The following PDZRN4 variants were observed in gnomAD, a reference collection of about 807,000 sequenced individuals.
The protein encoded by PDZRN4 is PDZ domain containing ring finger 4.
Under a neutral mutation model 99.0 loss-of-function variants are expected in PDZRN4, and 70 were observed. The ratio of observed to expected loss-of-function variants is 0.71; its 90% CI spans 0.58 to 0.86. PDZRN4 has a LOEUF of 0.86. Ranked by LOEUF, PDZRN4 falls within the 40% of genes least tolerant of loss-of-function variation. The pLI, the probability that PDZRN4 is intolerant of heterozygous loss-of-function variation, is 0.00. For missense variants in PDZRN4, 1,474 were observed against 1,331.2 expected, an observed-to-expected ratio of 1.11 and a Z score of -1.67; for synonymous variants, 551 against 501.6, an observed-to-expected ratio of 1.10 and a Z score of -1.32.
chr12:41,220,439 G>C (rs887334918), intron 3 of PDZRN4, among the ~76,000 whole-genome samples: 3 of 152,080 alleles, frequency 2.0e-5, no homozygotes, highest in Non-Finnish European at 2.9e-5. Flanking sequence ...ACATTTGGAG[G>C]TACTGAGGAT....
At chr12:41,274,205 A>C (rs976138341) in intron 3 of PDZRN4, among the ~76,000 whole-genome samples, 8 of 152,120 alleles carry the variant, frequency 5.3e-5, no homozygotes, top group Non-Finnish European at 1.5e-5. Context: ...TTTCCTTTTG[A>C]AAATGTCAGG....
chr12:41,555,230 CAAAAAAA>C (rs1171846086), intron 6 of PDZRN4, among the ~76,000 whole-genome samples: 8 of 21,180 alleles, frequency 3.8e-4, no homozygotes, highest in Non-Finnish European at 9.8e-4. Flanking sequence ...GACTCTGTCT[CAAAAAAA>C]AAAAAAAAAA....
chr12:41,419,857 A>G (rs1203233675), intron 3 of PDZRN4, among the ~76,000 whole-genome samples: 1 of 152,156 alleles, frequency 6.6e-6, no homozygotes, highest in African/African-American at 2.4e-5. Flanking sequence ...CCTTACATCC[A>G]TCAGGCTATA....
rs10680018 is a variant in PDZRN4 at position 41,555,245 on chromosome 12, A to AAG, written c.1303-452_1303-451insGA. On this transcript the variant is annotated intron_variant, in intron 6 of 9. Coordinates refer to ENST00000402685, the MANE Select transcript of PDZRN4 (RefSeq NM_001164595.2). ...GACTCTGTCTCAAAAAAAAAAAAAAAAAAAGAAAAAAAAAAGGACGGACTT... is the reference window on the plus strand; with the variant it reads ...GACTCTGTCTCAAAAAAAAAAAAAAAAGAAAAGAAAAAAAAAAGGACGGACTT... Among the ~76,000 whole-genome samples, 233 of 45,448 alleles carry AAG rather than the reference A, an allele frequency of 5.1e-3. 7 individuals are homozygous for AAG. The East Asian group carries it at 0.08, about 16-fold the overall frequency. 29.8% of individuals were successfully genotyped at this position (45,448 alleles called of 152,430 possible).
At chr12:41,206,053 A>G (rs1407140699) in intron 3 of PDZRN4, among the ~76,000 whole-genome samples, 4 of 151,910 alleles carry the variant, frequency 2.6e-5, no homozygotes, top group Non-Finnish European at 5.9e-5. Flanking sequence ...GTATTGTAGC[A>G]TTTCACTATA....
chr12:41,282,102 A>G (rs1216202094), intron 3 of PDZRN4, among the ~76,000 whole-genome samples: 8 of 152,182 alleles, frequency 5.3e-5, no homozygotes, highest in East Asian at 1.9e-4. Flanking sequence ...GTCAAGATCC[A>G]TTGGTGTGCT....
chr12:41,314,640 A>C (rs1951627291), intron 3 of PDZRN4, among the ~76,000 whole-genome samples: 1 of 152,180 alleles, frequency 6.6e-6, no homozygotes, highest in African/African-American at 2.4e-5. Flanking sequence ...CATCAAAAAG[A>C]ATGTGGAACA....
chr12:41,325,606 A>G (rs1951704155), intron 3 of PDZRN4, among the ~76,000 whole-genome samples: 1 of 152,304 alleles, frequency 6.6e-6, no homozygotes, highest in South Asian at 2.1e-4. Flanking sequence ...AGAGAAGGTC[A>G]GCTACGGGTT....
intron 3 of PDZRN4, among the ~76,000 whole-genome samples, chr12:41,494,512 G>T (rs191917003): frequency 2.6e-5 from 4 of 151,978 alleles, no homozygotes; most frequent in Non-Finnish European, 4.4e-5. Flanking sequence ...CGACCATGTC[G>T]ATGAAATTAC....
intron 3 of PDZRN4, among the ~76,000 whole-genome samples, chr12:41,399,532 C>T (rs753444943): frequency 2.0e-5 from 3 of 151,968 alleles, no homozygotes; most frequent in Non-Finnish European, 2.9e-5. Flanking sequence ...GTCTGGAGTT[C>T]GAGACCAGCC....
At chr12:41,526,487 T>C (rs1467674393) in intron 5 of PDZRN4, among the ~76,000 whole-genome samples, 1 of 152,200 alleles carries the variant, frequency 6.6e-6, no homozygotes, top group Admixed American at 6.5e-5. Flanking sequence ...GCACGAAGAG[T>C]TGCCTTGCTT....
chr12:41,285,952 T>C (rs1306460795), intron 3 of PDZRN4, among the ~76,000 whole-genome samples: 1 of 151,960 alleles, frequency 6.6e-6, no homozygotes, highest in Non-Finnish European at 1.5e-5. Flanking sequence ...TATACCTACA[T>C]AACAAACGTG....
intron 3 of PDZRN4, among the ~76,000 whole-genome samples, chr12:41,426,796 C>T (rs998672448): frequency 3.3e-5 from 5 of 152,128 alleles, no homozygotes; most frequent in Non-Finnish European, 7.4e-5. Flanking sequence ...AAGAATTTGT[C>T]TAGTTTAATA....
In PDZRN4 at chr12:41,574,131, C is replaced by A; in HGVS notation, c.*241C>A. 1 of 307,860 alleles carries A rather than the reference C, an allele frequency of 3.2e-6. No individual in the cohort carries two copies. The highest frequency in any genetic ancestry group is 5.9e-6 in the Non-Finnish European group (1 of 170,506). The allele number at this position is 307,860 out of a possible 1,614,324, so 19.1% of individuals were successfully genotyped here. ...TTCATATTACTCGTTTATAAAAAAT[C>A]AAAAACAAAAGGAAAGAAAACAAAA... On this transcript the variant is annotated 3_prime_UTR_variant, in exon 10 of 10. Coordinates refer to ENST00000402685, the MANE Select transcript of PDZRN4 (RefSeq NM_001164595.2).
intron 5 of PDZRN4, among the ~76,000 whole-genome samples, chr12:41,519,078 A>G (rs1938450126): frequency 6.6e-6 from 1 of 152,142 alleles, no homozygotes; most frequent in East Asian, 1.9e-4. Flanking sequence ...TGTCAACTGT[A>G]TATTCAAATA....
chr12:41,562,113 C>T (rs1237548613), intron 7 of PDZRN4, among the ~76,000 whole-genome samples: 1 of 152,100 alleles, frequency 6.6e-6, no homozygotes, highest in African/African-American at 2.4e-5. Flanking sequence ...ATAGGGAATG[C>T]ATGTGAAACT....
intron 3 of PDZRN4, among the ~76,000 whole-genome samples, chr12:41,305,354 C>G (rs536340815): frequency 1.3e-5 from 2 of 152,276 alleles, no homozygotes; most frequent in Non-Finnish European, 2.9e-5. Context: ...GACTAAAACA[C>G]TTAGAACAGT....
At chr12:41,553,575 T>A (rs1347897526) in intron 6 of PDZRN4, among the ~76,000 whole-genome samples, 3 of 151,638 alleles carry the variant, frequency 2.0e-5, no homozygotes, top group Non-Finnish European at 2.9e-5. Flanking sequence ...ATGCCGGTAG[T>A]CCTAACTACT....
chr12:41,434,739 G>A (rs1368310805), intron 3 of PDZRN4, among the ~76,000 whole-genome samples: 1 of 152,082 alleles, frequency 6.6e-6, no homozygotes, highest in East Asian at 1.9e-4. Flanking sequence ...ATACACACAC[G>A]ACTTATGTTT....
Sources: gnomAD v4.1 joint callset for allele counts (sites outside exome capture counted in the v4.1 genomes callset) on GRCh38, gnomAD v4.1.1 for gene constraint, MANE v1.5 for transcripts, NCBI Gene and HGNC (gene_info 2026-07-23, HGNC 2026-07-21) for gene names.